TSC1: variants seen among roughly 807,000 people sequenced by gnomAD.
TSC1 encodes hamartin.
A neutral mutation model predicts 124.3 loss-of-function variants in TSC1; 20 were observed. That is an observed-to-expected ratio of 0.16 (90% CI 0.11 to 0.23). The LOEUF is 0.23. TSC1 is among the 10% of genes least tolerant of loss of function. TSC1 has a pLI of 1.00. For missense variants in TSC1, 1,124 were observed against 1,448.5 expected (o/e 0.78, Z 3.64); for synonymous variants, 493 against 539.1 (o/e 0.91, Z 1.19).
intron 1 of TSC1, among the ~76,000 whole-genome samples, chr9:132,942,736 AG>A (rs1847805734): frequency 6.6e-6 from 1 of 152,346 alleles, no homozygotes; most frequent in East Asian, 1.9e-4. Context: ...CTGCCCTTCT[AG>A]GCACGTGATA....
rs931372939 is a variant in TSC1 at position 132,921,626 on chromosome 9, T to C, written c.664-190A>G. On this transcript the variant is annotated intron_variant, in intron 7 of 22. Coordinates refer to ENST00000298552, the MANE Select transcript of TSC1 (RefSeq NM_000368.5). This position sits in a 1 kb window ranked among gnomAD's most constrained non-coding sequence, Gnocchi z 4.3. ...ACCACATATTATATGATCCCATTTA[T>C]ACAAAATGTCCAGAATAGGCAAATC... is the stretch of plus-strand genomic sequence containing the variant. Among the ~76,000 whole-genome samples, 7 of 152,262 alleles carry C rather than the reference T, an allele frequency of 4.6e-5. No individual in the cohort carries two copies. The highest frequency in any genetic ancestry group is 1.4e-4 in the African/African-American group (6 of 41,472).
At chr9:132,908,892 T>G (rs1211870811) in intron 12 of TSC1, among the ~76,000 whole-genome samples, 1 of 150,632 alleles carries the variant, frequency 6.6e-6, no homozygotes, top group African/African-American at 2.4e-5. Context: ...CCCACTAGTC[T>G]ACCTTGCACT....
intron 18 of TSC1, 150 bp from the exon 19 acceptor site, chr9:132,901,849 A>G (rs1845391370): frequency 1.0e-5 from 7 of 666,840 alleles, no homozygotes. Context: ...CTTAGTTTTA[A>G]AAAGTAAGTT....
intron 1 of TSC1, among the ~76,000 whole-genome samples, chr9:132,935,661 C>T (rs1042663167): frequency 3.3e-5 from 5 of 152,214 alleles, no homozygotes; most frequent in African/African-American, 1.2e-4. Flanking sequence ...TGCAGGGCCT[C>T]ACCGCCTGCC....
chr9:132,926,933 T>C, intron 4 of TSC1: 1 of 417,320 alleles, frequency 2.4e-6, no homozygotes, highest in Non-Finnish European at 4.5e-6. Flanking sequence ...CGCCTCGGCC[T>C]CCTAAGGGGA....
intron 6 of TSC1, among the ~76,000 whole-genome samples, chr9:132,922,668 G>C (rs1846632046): frequency 1.3e-5 from 2 of 152,062 alleles, no homozygotes; most frequent in Non-Finnish European, 2.9e-5. Flanking sequence ...TTTCACAAAG[G>C]TCCTACTAAA....
rs2131949003 is a variant in TSC1, at chr9:132,910,712, C to T, written c.1142-20G>A. The stretch of plus-strand genomic sequence containing the variant: ...CACCTGCTTAGAGACAAGGGCAGAA[C>T]ATATATGAACACTGAGCCCAACTAT... On this transcript the variant is annotated intron_variant, in intron 11 of 22. Transcript: ENST00000298552. 1 of 1,612,956 alleles carries T rather than the reference C, an allele frequency of 6.2e-7. No homozygotes were observed. Among genetic ancestry groups the T allele is most frequent in the Non-Finnish European group, 8.5e-7 (1 of 1,180,026 alleles).
intron 8 of TSC1, among the ~76,000 whole-genome samples, chr9:132,913,874 GTTTTTTGTTTTGTTTTGTTTTTTTTTT>G (rs1846109186): frequency 7.2e-6 from 1 of 138,798 alleles, no homozygotes; most frequent in African/African-American, 2.6e-5. Flanking sequence ...CCTCCCATGG[GTTTTTTGTTTTGTTTTGTTTTTTTTTT>G]TTTTTTTTTT....
In TSC1 at chr9:132,917,412, C is replaced by T. The variant is rs569380349; in HGVS notation, c.737+3951G>A. ...GTAGCACGATCTCGGCTCACTGCAA[C>T]CTCTGCCTCCTGGGTTCAAACGATT... On this transcript the variant is annotated intron_variant, in intron 8 of 22. Transcript: ENST00000298552. Among the ~76,000 whole-genome samples, 14 of 152,280 alleles carry T rather than the reference C, an allele frequency of 9.2e-5. No individual in the cohort carries two copies. The South Asian group carries it at 2.9e-3, about 32-fold the overall frequency.
Position 132,925,604 on chromosome 9 carries a change from A to C in TSC1, c.346T>G (p.Leu116Val), listed in dbSNP as rs199620268. The stretch of plus-strand genomic sequence containing the variant: ...CATCCTACCTTGAGACATTTTAGTA[A>C]AGAAGGCAAAAGAGGTGCTTGAGAG... ...KLSQAPLLPSLLKCLKMDTDV... is the reference protein window; with the variant it reads ...KLSQAPLLPSVLKCLKMDTDV... The change falls in exon 5 of 23, where the codon TTA becomes GTA. Residue 116 changes from leucine to valine, a missense_variant. Around this residue, in one of 5 missense-constraint regions of TSC1, gnomAD observed 463 missense variants for 606.8 expected, o/e 0.76. Transcript: ENST00000298552. 743 of 1,614,226 alleles carry C rather than the reference A, an allele frequency of 4.6e-4. No individual in the cohort carries two copies. The highest frequency in any genetic ancestry group is 5.4e-4 in the Non-Finnish European group (636 of 1,180,042).
chr9:132,925,915 G>A, intron 4 of TSC1, 176 bp from the exon 5 acceptor site: 1 of 811,204 alleles, frequency 1.2e-6, no homozygotes, highest in South Asian at 1.7e-5. Context: ...ACAAAACACT[G>A]CTGCATTTGG....
At chr9:132,910,784 T>G (rs1030087261) in intron 11 of TSC1, 92 bp from the exon 12 acceptor site, 2 of 1,576,144 alleles carry the variant, frequency 1.3e-6, no homozygotes, top group Non-Finnish European at 1.7e-6. Context: ...TTACTATAAA[T>G]AAAGCTGCTA....
chr9:132,921,990 T>C lies in TSC1; in HGVS notation c.509-17A>G, dbSNP rs2132163488. ...CCACGTGGCCTAGAAAAGGAACCCG[T>C]TGAGAAGAGCCTCTTAGTTGGAGAC... On this transcript the variant is annotated splice_polypyrimidine_tract_variant and intron_variant, in intron 6 of 22. Transcript: ENST00000298552. The surrounding 1 kb of genome is among the most constrained non-coding windows in gnomAD (Gnocchi z 4.3). 3 of 1,614,028 alleles carry C rather than the reference T, an allele frequency of 1.9e-6. No homozygotes were observed. The highest frequency in any genetic ancestry group is 2.5e-6 in the Non-Finnish European group (3 of 1,179,930).
In TSC1 at chr9:132,922,026, G is replaced by A. The variant is rs908604970; in HGVS notation, c.509-53C>T. The A allele has an allele frequency of 3.1e-6, 5 of 1,610,804 alleles. No individual in the cohort carries two copies. In the African/African-American group the frequency reaches 4.0e-5, roughly 13 times the overall value. ...CTCTTAGTTGGAGACAGATTGAGGA[G>A]TGCAAAACAGCTATAAACAAGTGGC... On this transcript the variant is annotated intron_variant, in intron 6 of 22. Transcript: ENST00000298552.
chr9:132,937,933 C>CTAA (rs1847547839), intron 1 of TSC1, among the ~76,000 whole-genome samples: 1 of 152,170 alleles, frequency 6.6e-6, no homozygotes, highest in Non-Finnish European at 1.5e-5. Flanking sequence ...CCAGGCTGGT[C>CTAA]TAGAACTCCT....
chr9:132,923,465 T>C lies in TSC1; in HGVS notation c.391A>G (p.Thr131Ala), dbSNP rs1564499857. ...KMDTDVVVLT[T>A]GVLVLITMLP... ...ATGGTTATCAACACCAAGACGCCTG[T>C]TGTGAGGACAACGACGTCAGTGTCC... Residue 131 changes from threonine (T) to alanine (A), a missense_variant, in exon 6 of 23, where the codon ACA (threonine) becomes GCA (alanine). By Grantham distance (58) the Thr-to-Ala change is moderately conservative. Around this residue, in one of 5 missense-constraint regions of TSC1, gnomAD observed 463 missense variants for 606.8 expected, o/e 0.76. Coordinates refer to ENST00000298552, the MANE Select transcript of TSC1 (RefSeq NM_000368.5). This position sits in a 1 kb window ranked among gnomAD's most constrained non-coding sequence, Gnocchi z 4.2. The C allele has an allele frequency of 8.1e-6, 13 of 1,614,128 alleles. No homozygotes were observed. The highest frequency in any genetic ancestry group is 2.2e-5 in the East Asian group (1 of 44,882).
chr9:132,908,272 A>G (rs1329932091), intron 12 of TSC1, among the ~76,000 whole-genome samples: 1 of 152,212 alleles, frequency 6.6e-6, no homozygotes, highest in African/African-American at 2.4e-5. Flanking sequence ...CGAAATAAAA[A>G]TAAATTTAGT....
At position 132,905,704 on chromosome 9, in the gene TSC1, T is replaced by G. The variant is rs886038287; in HGVS notation, c.1874A>C (p.Glu625Ala). The change falls in exon 15 of 23, where the codon GAG (glutamate) becomes GCG (alanine). Residue 625 changes from glutamate to alanine, a missense_variant. By Grantham distance (107) the Glu-to-Ala change is moderately radical (BLOSUM62 -1). Transcript: ENST00000298552. ...TCCTTTTGCTTTCTTTAACAGCTCCTCAGTCTTCCTGATGACAAAATGATG... is the reference window on the plus strand; with the variant it reads ...TCCTTTTGCTTTCTTTAACAGCTCCGCAGTCTTCCTGATGACAAAATGATG... Reference protein sequence around the residue: ...TAHHFVIRKTEELLKKAKGNT... With the variant: ...TAHHFVIRKTAELLKKAKGNT... The G allele has an allele frequency of 4.3e-6, 7 of 1,614,214 alleles. No individual in the cohort carries two copies. The highest frequency in any genetic ancestry group is 1.3e-5 in the African/African-American group (1 of 75,050).
chr9:132,896,094 A>G lies in TSC1; in HGVS notation c.*141T>C. 7.9e-7 allele frequency: 1 copy of G among 1,269,072 alleles called. No individual in the cohort carries two copies. The highest frequency in any genetic ancestry group is 1.1e-6 in the Non-Finnish European group (1 of 885,180). 78.6% of individuals were successfully genotyped at this position (1,269,072 alleles called of 1,614,324 possible). On this transcript the variant is annotated 3_prime_UTR_variant, in exon 23 of 23. Coordinates refer to ENST00000298552, the MANE Select transcript of TSC1 (RefSeq NM_000368.5). This position sits in a 1 kb window ranked among gnomAD's most constrained non-coding sequence, Gnocchi z 4.5. ...TCCAAAAACCGTTCTGCATTCAGTC[A>G]GCTGTCCAAAGGACCTCCGTCCCAT...
Sources: allele counts gnomAD v4.1 joint callset (sites outside exome capture counted in the v4.1 genomes callset), GRCh38; gene constraint gnomAD v4.1.1; regional missense constraint gnomAD v4.1.1; non-coding constraint Gnocchi (gnomAD v3.1); transcripts MANE v1.5; gene names NCBI Gene and HGNC (gene_info 2026-07-23, HGNC 2026-07-21).